The following BTK variants were observed in gnomAD, a reference collection of about 807,000 sequenced individuals.
BTK encodes the protein tyrosine-protein kinase BTK.
A neutral mutation model predicts 57.4 loss-of-function variants in BTK; 5 were observed. The observed-to-expected ratio is 0.09, with a 90% CI of 0.05 to 0.18. The LOEUF (loss-of-function observed/expected upper bound fraction) is 0.18, where lower values mean the gene tolerates loss of function less well. Among genes scored for constraint, BTK ranks in the 10% least tolerant of loss-of-function variants. The pLI is 1.00. For missense variants in BTK, 194 were observed against 501.2 expected (o/e 0.39, Z 5.85); for synonymous variants, 154 against 174.3 (o/e 0.88, Z 0.92).
chrX:101,390,726 G>A (rs1927754694), upstream of BTK: 1 of 458,778 alleles, frequency 2.2e-6, no homozygotes, highest in Middle Eastern at 4.0e-4. Context: ...CAGAGGATCT[G>A]GGAAAAACAC....
Position 101,352,697 on chromosome X carries a change from A to G in BTK, c.1908+497T>C, listed in dbSNP as rs144776882. ...GTGGATCACCTGAGGTCAGGAGTTC[A>G]AGACCTGCCTGGCCAACATGGTGAA... On this transcript the variant is annotated intron_variant, in intron 18 of 18. Transcript: ENST00000308731. 1.0e-3 allele frequency among the ~76,000 whole-genome samples: 115 copies of G among 111,437 alleles called. 1 individual carries two copies. In the East Asian group the frequency reaches 0.031, roughly 30 times the overall value.
chrX:101,387,392 C>A (rs951576890), upstream of BTK, among the ~76,000 whole-genome samples: 2 of 96,538 alleles, frequency 2.1e-5, no homozygotes, highest in Non-Finnish European at 4.1e-5. Flanking sequence ...TGCTCTGAAG[C>A]CCAGGTTGGA....
At chrX:101,382,054 G>GA (rs201230956) in intron 1 of BTK, among the ~76,000 whole-genome samples, 6 of 104,178 alleles carry the variant, frequency 5.8e-5, no homozygotes, top group Non-Finnish European at 9.8e-5. Context: ...AAAGAAAAAA[G>GA]AAAAAAAAAT....
upstream of BTK, among the ~76,000 whole-genome samples, chrX:101,386,825 AGATTTGGCCTCAGG>A (rs1434877747): frequency 8.9e-6 from 1 of 112,086 alleles, no homozygotes; most frequent in African/African-American, 3.2e-5. Context: ...TCTCCATTTA[AGATTTGGCCTCAGG>A]GATTAACTCT....
intron 5 of BTK, among the ~76,000 whole-genome samples, chrX:101,367,254 A>G (rs1350396005): frequency 3.7e-5 from 4 of 108,911 alleles, no homozygotes; most frequent in African/African-American, 1.3e-4. Flanking sequence ...AAGAAAAAAA[A>G]AAAAGAAAAA....
intron 15 of BTK, 94 bp from the exon 16 acceptor site, chrX:101,354,788 G>A: frequency 1.2e-6 from 1 of 866,019 alleles, no homozygotes. Flanking sequence ...AGCCAGGGAA[G>A]CTTCATCTCC....
intron 3 of BTK, among the ~76,000 whole-genome samples, chrX:101,372,596 G>A (rs782432210): frequency 3.7e-5 from 4 of 108,237 alleles, no homozygotes; most frequent in South Asian, 8.4e-4. Flanking sequence ...TTACAGGCTC[G>A]CGCCACCATG....
chrX:101,360,465 C>G, intron 8 of BTK, 103 bp downstream of exon 8: 1 of 908,669 alleles, frequency 1.1e-6, no homozygotes, highest in Non-Finnish European at 1.6e-6. Flanking sequence ...GTGGGAAGAA[C>G]AGTCTCTGAT....
intron 1 of BTK, among the ~76,000 whole-genome samples, chrX:101,381,371 C>A (rs1555981727): frequency 8.1e-5 from 9 of 111,721 alleles, no homozygotes. Flanking sequence ...TCCTTCTTGC[C>A]TTTTCAGTCC....
At chrX:101,355,607 G>C (rs1555977739) in intron 15 of BTK, 2 of 120,587 alleles carry the variant, frequency 1.7e-5, no homozygotes, top group Non-Finnish European at 3.4e-5. Context: ...TAAGCGAAAT[G>C]TTTCTTTTTA....
intron 18 of BTK, 122 bp from the exon 19 acceptor site, chrX:101,350,078 G>T: frequency 1.0e-5 from 4 of 381,899 alleles, no homozygotes; most frequent in Non-Finnish European, 8.9e-6. Context: ...ATGCCCTGTC[G>T]ATTACAAAAG....
chrX:101,352,585 C>T (rs922304506), intron 18 of BTK, among the ~76,000 whole-genome samples: 5 of 110,057 alleles, frequency 4.5e-5, no homozygotes, highest in African/African-American at 1.7e-4. Flanking sequence ...GTCAACATGG[C>T]GAAATGCCAT....
rs10632421 is a variant in BTK, at chrX:101,367,246, GAAAA to G, written c.391+2748_391+2751del. Among the ~76,000 whole-genome samples the G allele has an allele frequency of 1.1e-4, 10 of 91,039 alleles. No homozygotes were observed. The South Asian group carries it at 5.0e-3, about 45-fold the overall frequency. The allele number at this position is 91,039 out of a possible 115,157, so 79.1% of individuals were successfully genotyped here. On this transcript the variant is annotated intron_variant, in intron 5 of 18. Coordinates refer to ENST00000308731, the MANE Select transcript of BTK (RefSeq NM_000061.3). The stretch of plus-strand genomic sequence containing the variant: ...GCAACAGAGTGAGACTCCATATCAA[GAAAA>G]AAAAAAAAGAAAAAAAGAAAGCTCA...
chrX:101,385,779 G>C (rs1330090887), intron 1 of BTK, among the ~76,000 whole-genome samples: 2 of 111,884 alleles, frequency 1.8e-5, no homozygotes, highest in Non-Finnish European at 3.8e-5. Context: ...TTTGCCAGAG[G>C]TACCCCTTTC....
intron 1 of BTK, among the ~76,000 whole-genome samples, chrX:101,380,097 T>C (rs1927361324): frequency 9.0e-6 from 1 of 111,359 alleles, no homozygotes; most frequent in Non-Finnish European, 1.9e-5. Context: ...AATATAAAAC[T>C]TTGATCAAAT....
At chrX:101,374,772 CT>C in intron 2 of BTK, 138 bp from the exon 3 acceptor site, 1 of 547,645 alleles carries the variant, frequency 1.8e-6, no homozygotes. Flanking sequence ...AAAAAAAATC[CT>C]TCCAGATCTA....
chrX:101,358,930 G>T (rs1251797949), intron 10 of BTK, among the ~76,000 whole-genome samples: 1 of 111,591 alleles, frequency 9.0e-6, no homozygotes, highest in East Asian at 2.8e-4. Flanking sequence ...CTGAGGTCAG[G>T]AGTTCGAGAC....
intron 5 of BTK, 105 bp downstream of exon 5, chrX:101,369,889 CTCTT>C (rs1926969967): frequency 1.4e-6 from 1 of 724,746 alleles, no homozygotes; most frequent in Admixed American, 2.9e-5. Context: ...TTTCTCCTTT[CTCTT>C]TCTTTCTCGT....
chrX:101,373,029 C>T (rs375657299), intron 3 of BTK, among the ~76,000 whole-genome samples: 7 of 108,552 alleles, frequency 6.4e-5, no homozygotes, highest in African/African-American at 1.7e-4. Context: ...TTACAGTGAG[C>T]GGAGATCGCA....
Sources: gnomAD v4.1 joint callset for allele counts (sites outside exome capture counted in the v4.1 genomes callset) on GRCh38, gnomAD v4.1.1 for gene constraint, MANE v1.5 for transcripts, NCBI Gene and HGNC (gene_info 2026-07-23, HGNC 2026-07-21) for gene names.